Variants in VSTM5 observed in about 807,000 individuals in gnomAD.
VSTM5 encodes V-set and transmembrane domain containing 5.
In VSTM5, 21 loss-of-function variants were observed where a neutral mutation model predicts 20.3. The observed-to-expected ratio is 1.03, with a 90% CI of 0.73 to 1.49. VSTM5 has a LOEUF of 1.49. Among genes scored for constraint, VSTM5 ranks in the 40% most tolerant of loss-of-function variants. The probability of loss-of-function intolerance (pLI) is 0.00; values close to 1 mark genes in which losing one functional copy is unlikely to be tolerated. For synonymous variants in VSTM5, 100 were observed against 102.5 expected (o/e 0.98, Z 0.14); for missense variants, 219 against 250.0 (o/e 0.88, Z 0.84).
intron 1 of VSTM5, among the ~76,000 whole-genome samples, chr11:93,844,166 A>G (rs1168708268): frequency 6.6e-6 from 1 of 152,222 alleles, no homozygotes; most frequent in Non-Finnish European, 1.5e-5. Context: ...GACCTGACAT[A>G]AGGGAGAAAG....
chr11:93,843,508 A>G (rs572403180), intron 1 of VSTM5, among the ~76,000 whole-genome samples: 1 of 151,988 alleles, frequency 6.6e-6, no homozygotes, highest in Non-Finnish European at 1.5e-5. Flanking sequence ...AAGTCCCTCA[A>G]CTTCTTTGAG....
intron 1 of VSTM5, among the ~76,000 whole-genome samples, chr11:93,844,634 T>C (rs1353805512): frequency 1.3e-5 from 2 of 152,112 alleles, no homozygotes; most frequent in Admixed American, 1.3e-4. Context: ...AAAGAGAAGG[T>C]GGTTGTCCTC....
At chr11:93,841,126 C>G (rs1463347418) in intron 1 of VSTM5, among the ~76,000 whole-genome samples, 1 of 152,016 alleles carries the variant, frequency 6.6e-6, no homozygotes, top group Non-Finnish European at 1.5e-5. Flanking sequence ...GGGAGAGTGC[C>G]TTAGATTGGC....
At chr11:93,827,213 A>T (rs1299575241) in intron 1 of VSTM5, among the ~76,000 whole-genome samples, 1 of 152,072 alleles carries the variant, frequency 6.6e-6, no homozygotes, top group South Asian at 2.1e-4. Context: ...GAGAAACCCC[A>T]TCTCTACTAA....
At chr11:93,841,288 C>G (rs1177235488) in intron 1 of VSTM5, among the ~76,000 whole-genome samples, 1 of 152,224 alleles carries the variant, frequency 6.6e-6, no homozygotes, top group Non-Finnish European at 1.5e-5. Flanking sequence ...ATTGTAAACT[C>G]TGGCTCAGGC....
At chr11:93,836,103 T>C (rs1171746633) in intron 1 of VSTM5, among the ~76,000 whole-genome samples, 2 of 152,134 alleles carry the variant, frequency 1.3e-5, no homozygotes, top group African/African-American at 4.8e-5. Context: ...ATCCACTACA[T>C]CCCATCTGTC....
intron 1 of VSTM5, among the ~76,000 whole-genome samples, chr11:93,828,553 A>G (rs1944255995): frequency 6.6e-6 from 1 of 152,204 alleles, no homozygotes; most frequent in South Asian, 2.1e-4. Flanking sequence ...TGACAATTAC[A>G]TCTGTTGAGA....
At chr11:93,848,798 G>A (rs1944434351) in intron 1 of VSTM5, among the ~76,000 whole-genome samples, 1 of 152,204 alleles carries the variant, frequency 6.6e-6, no homozygotes, top group African/African-American at 2.4e-5. Context: ...CAATGAGTGA[G>A]TGAATGAATG....
chr11:93,831,273 C>T (rs1414338752), intron 1 of VSTM5, among the ~76,000 whole-genome samples: 2 of 152,132 alleles, frequency 1.3e-5, no homozygotes, highest in East Asian at 3.9e-4. Flanking sequence ...AAGCGAACCT[C>T]CCACCTCAAC....
chr11:93,824,059 C>A (rs759449158), intron 1 of VSTM5, among the ~76,000 whole-genome samples: 1 of 152,062 alleles, frequency 6.6e-6, no homozygotes, highest in Admixed American at 6.6e-5. Context: ...AGGTGCCCAC[C>A]ACCATGCCTG....
chr11:93,847,025 AAAG>A (rs1191955010), intron 1 of VSTM5, among the ~76,000 whole-genome samples: 1 of 152,126 alleles, frequency 6.6e-6, no homozygotes, highest in African/African-American at 2.4e-5. Context: ...TCGGCCTCCC[AAAG>A]TGCTGGGATT....
At position 93,830,981 on chromosome 11, in the gene VSTM5, C is replaced by T. The variant is rs182420790; in HGVS notation, c.92-9658G>A. Among the ~76,000 whole-genome samples, 716 of 152,110 alleles carry T rather than the reference C, an allele frequency of 4.7e-3. 11 individuals are homozygous for T. Among genetic ancestry groups the T allele is most frequent in the African/African-American group, 0.016 (668 of 41,482 alleles). On this transcript the variant is annotated intron_variant, in intron 1 of 3. Transcript: ENST00000409977. ...CCATGTTGCCCAAGCTGGTCTTGAA[C>T]TCCTGAGCTCAAAGCAGTCCGCCCA...
In VSTM5 at chr11:93,820,376, C is replaced by T. The variant is rs1039192745; in HGVS notation, c.*193G>A. 11 of 612,498 alleles carry T rather than the reference C, an allele frequency of 1.8e-5. No individual in the cohort carries two copies. In the East Asian group the frequency reaches 2.0e-4, roughly 11 times the overall value. The allele number at this position is 612,498 out of a possible 1,614,324, so 37.9% of individuals were successfully genotyped here. A position where few individuals can be genotyped will look rare whatever the true frequency, so the allele number is the denominator to read the frequency against. On this transcript the variant is annotated 3_prime_UTR_variant, in exon 4 of 4. Coordinates refer to ENST00000409977, the MANE Select transcript of VSTM5 (RefSeq NM_001144871.2). ...CAATCACTCTTCTCCTTGAACTTAGCGCGAGTCCTAATACTAGCTTTGTCC... is the reference window on the plus strand; with the variant it reads ...CAATCACTCTTCTCCTTGAACTTAGTGCGAGTCCTAATACTAGCTTTGTCC...
rs913024586 is a variant in VSTM5, at chr11:93,821,088, G to A, written c.327C>T (p.Ser109=). 1.7e-5 allele frequency: 26 copies of A among 1,551,716 alleles called. No individual in the cohort carries two copies. Among genetic ancestry groups the A allele is most frequent in the Admixed American group, 7.8e-5 (4 of 50,990 alleles). The change falls in exon 2 of 4, where the codon AGC becomes AGT. Residue 109 remains serine, a synonymous_variant. Coordinates refer to ENST00000409977, the MANE Select transcript of VSTM5 (RefSeq NM_001144871.2). ...TFDNGSIQLF[S]VGVRDSGYYV... ...AGTAGCCGGAATCCCTCACTCCCAC[G>A]CTGAAGAGCTGGATGGAGCCGTTGT...
At chr11:93,832,279 A>C (rs529304636) in intron 1 of VSTM5, among the ~76,000 whole-genome samples, 7 of 152,372 alleles carry the variant, frequency 4.6e-5, no homozygotes, top group Admixed American at 2.6e-4. Flanking sequence ...TCTCAAAAAT[A>C]ATGAAAAAAG....
At chr11:93,822,281 C>T (rs1472881661) in intron 1 of VSTM5, among the ~76,000 whole-genome samples, 3 of 152,066 alleles carry the variant, frequency 2.0e-5, no homozygotes, top group African/African-American at 7.2e-5. Context: ...CAGGGTTTCA[C>T]AATGTTGGCC....
At chr11:93,838,338 T>C (rs1258847679) in intron 1 of VSTM5, among the ~76,000 whole-genome samples, 1 of 151,414 alleles carries the variant, frequency 6.6e-6, no homozygotes, top group East Asian at 1.9e-4. Flanking sequence ...CCAGGCGTGG[T>C]TGGGGCAACT....
chr11:93,833,459 G>C (rs1358822407), intron 1 of VSTM5, among the ~76,000 whole-genome samples: 1 of 152,172 alleles, frequency 6.6e-6, no homozygotes, highest in African/African-American at 2.4e-5. Flanking sequence ...TGCACCTGTG[G>C]TCCCAGCTAC....
rs141772516 is a variant in VSTM5 at position 93,820,420 on chromosome 11, C to G, written c.*149G>C. 8.8e-6 allele frequency: 7 copies of G among 795,588 alleles called. No homozygotes were observed. Among genetic ancestry groups the G allele is most frequent in the Non-Finnish European group, 1.4e-5 (7 of 491,218 alleles). The allele number at this position is 795,588 out of a possible 1,614,324, so 49.3% of individuals were successfully genotyped here. ...TTTGTCCCATCCACAGTCCTCAACT[C>G]CATGCAGTCAATGTTGTTAATCTCC... On this transcript the variant is annotated 3_prime_UTR_variant, in exon 4 of 4. Coordinates refer to ENST00000409977, the MANE Select transcript of VSTM5 (RefSeq NM_001144871.2).
Sources: allele counts gnomAD v4.1 joint callset (sites outside exome capture counted in the v4.1 genomes callset), GRCh38; gene constraint gnomAD v4.1.1; transcripts MANE v1.5; gene names NCBI Gene and HGNC (gene_info 2026-07-23, HGNC 2026-07-21).